TJP1: variants seen among roughly 807,000 people sequenced by gnomAD.
TJP1 encodes tight junction protein ZO-1.
TJP1 carries 43 observed loss-of-function variants against 194.2 expected under a neutral mutation model. The observed-to-expected ratio is 0.22, with a 90% CI of 0.17 to 0.29. The LOEUF is 0.29. Among genes scored for constraint, TJP1 ranks in the 10% least tolerant of loss-of-function variants. The pLI is 1.00. For synonymous variants in TJP1, 801 were observed against 779.0 expected, an observed-to-expected ratio of 1.03 and a Z score of -0.47; for missense variants, 1,971 against 2,185.7, an observed-to-expected ratio of 0.90 and a Z score of 1.96.
chr15:29,796,347 A>C (rs2048403738), intron 2 of TJP1, among the ~76,000 whole-genome samples: 1 of 151,662 alleles, frequency 6.6e-6, no homozygotes, highest in Non-Finnish European at 1.5e-5. Flanking sequence ...CTATAAAAAA[A>C]AAAACAAAAA....
At chr15:29,782,043 G>A (rs549854168) in intron 2 of TJP1, among the ~76,000 whole-genome samples, 1 of 152,298 alleles carries the variant, frequency 6.6e-6, no homozygotes, top group South Asian at 2.1e-4. Context: ...CCTGTTTGCA[G>A]ATGACATGAT....
At chr15:29,947,012 G>A (rs2055308953) in intron 2 of TJP1, among the ~76,000 whole-genome samples, 1 of 152,094 alleles carries the variant, frequency 6.6e-6, no homozygotes, top group East Asian at 1.9e-4. Flanking sequence ...TTAACCATTT[G>A]GCTGCATTTT....
intron 2 of TJP1, among the ~76,000 whole-genome samples, chr15:29,865,259 G>A (rs774664658): frequency 7.2e-5 from 11 of 152,144 alleles, no homozygotes; most frequent in Admixed American, 2.0e-4. Context: ...CAAATGCCAC[G>A]AAGATATTAA....
At chr15:29,868,423 A>G (rs908439001) in intron 2 of TJP1, among the ~76,000 whole-genome samples, 2 of 152,132 alleles carry the variant, frequency 1.3e-5, no homozygotes, top group African/African-American at 4.8e-5. Context: ...GTGAGCTCTA[A>G]TACTGGTCCA....
chr15:29,733,091 T>C lies in TJP1; in HGVS notation c.1736+3A>G. Reference sequence around the variant, plus strand: ...TCTATGAGAAGTATCCAAGCATTCATACCTGTTCTTATTAGGGATGATGCC... The same window carrying C: ...TCTATGAGAAGTATCCAAGCATTCACACCTGTTCTTATTAGGGATGATGCC... On this transcript the variant is annotated splice_donor_region_variant and intron_variant, in intron 13 of 27. Coordinates refer to ENST00000614355, the MANE Select transcript of TJP1 (RefSeq NM_001330239.4). The C allele has an allele frequency of 1.2e-6, 2 of 1,612,908 alleles. No individual in the cohort carries two copies. The highest frequency in any genetic ancestry group is 1.7e-6 in the Non-Finnish European group (2 of 1,178,978).
intron 2 of TJP1, among the ~76,000 whole-genome samples, chr15:29,879,266 C>G (rs1567160411): frequency 6.6e-6 from 1 of 152,218 alleles, no homozygotes; most frequent in Non-Finnish European, 1.5e-5. Flanking sequence ...GGAAGAACAT[C>G]TAGGTAGGAA....
chr15:29,743,417 T>G (rs1168492538), intron 8 of TJP1, among the ~76,000 whole-genome samples: 1 of 152,186 alleles, frequency 6.6e-6, no homozygotes, highest in South Asian at 2.1e-4. Context: ...GTAACATATA[T>G]AAGAATTTGG....
At chr15:29,813,153 G>A (rs1475544911) in intron 1 of TJP1, among the ~76,000 whole-genome samples, 1 of 152,096 alleles carries the variant, frequency 6.6e-6, no homozygotes, top group Non-Finnish European at 1.5e-5. Flanking sequence ...AGTCAGGTAA[G>A]TGGATATCTT....
At chr15:29,705,128 T>C (rs2041812404) in intron 26 of TJP1, among the ~76,000 whole-genome samples, 1 of 152,206 alleles carries the variant, frequency 6.6e-6, no homozygotes, top group South Asian at 2.1e-4. Flanking sequence ...AGACAGTACC[T>C]GTCAAGAGGT....
rs1007349570 is a variant in TJP1 at position 29,718,430 on chromosome 15, G to A, written c.3712C>T (p.Pro1238Ser). The A allele has an allele frequency of 5.6e-6, 9 of 1,614,186 alleles. No individual in the cohort carries two copies. The Middle Eastern group carries it at 4.9e-4, about 89-fold the overall frequency. Residue 1238 changes from proline to serine, a missense_variant, in exon 21 of 28, where the codon CCT becomes TCT. This residue lies in a region of TJP1 where 1,108 missense variants were observed against 1,128.5 expected (regional missense o/e 0.98). Coordinates refer to ENST00000614355, the MANE Select transcript of TJP1 (RefSeq NM_001330239.4). ...PSSQHKPEAL[P>S]SNTKPLPPPP... ...GGAGGCAGTGGTTTGGTGTTTGAAG[G>A]CAGAGCTTCTGGCTTATGCTGAGAT...
intron 2 of TJP1, among the ~76,000 whole-genome samples, chr15:29,906,343 C>T (rs1468718753): frequency 6.6e-6 from 1 of 151,752 alleles, no homozygotes; most frequent in Non-Finnish European, 1.5e-5. Context: ...TGTCATGATG[C>T]ACGCCTGTAA....
intron 2 of TJP1, among the ~76,000 whole-genome samples, chr15:29,906,154 T>C (rs2053801948): frequency 6.6e-6 from 1 of 152,102 alleles, no homozygotes; most frequent in Non-Finnish European, 1.5e-5. Context: ...CACTCAAGTT[T>C]GCTGTGAACC....
In TJP1 at chr15:29,726,808, G is replaced by A. The variant is rs1045909375; in HGVS notation, c.2284C>T (p.Arg762Cys). Residue 762 changes from arginine to cysteine, a missense_variant, in exon 17 of 28, where the codon CGT (arginine) becomes TGT (cysteine). Arg to Cys is a radical substitution (Grantham distance 180). This residue lies in a region of TJP1 where 402 missense variants were observed against 484.2 expected (regional missense o/e 0.83). Coordinates refer to ENST00000614355, the MANE Select transcript of TJP1 (RefSeq NM_001330239.4). ...GTAAAAAGATGGTGATTATTTTTAC[G>A]AAGTTTATGAGATCGCTCGTATAAC... The part of the protein sequence containing the change: ...RKLYERSHKL[R>C]KNNHHLFTTT... 6.2e-7 allele frequency: 1 copy of A among 1,613,838 alleles called. No homozygotes were observed. Among genetic ancestry groups the A allele is most frequent in the Non-Finnish European group, 8.5e-7 (1 of 1,179,980 alleles).
intron 2 of TJP1, among the ~76,000 whole-genome samples, chr15:29,904,478 A>G (rs1365323059): frequency 6.6e-6 from 1 of 152,186 alleles, no homozygotes; most frequent in Admixed American, 6.5e-5. Context: ...TTTCACAAAA[A>G]TAAACTACAG....
intron 2 of TJP1, among the ~76,000 whole-genome samples, chr15:29,867,444 C>T (rs2052347308): frequency 6.6e-6 from 1 of 152,172 alleles, no homozygotes. Context: ...CACATTGGGC[C>T]TTGCTGGCTC....
chr15:29,864,355 C>A (rs2052224571), intron 2 of TJP1, among the ~76,000 whole-genome samples: 1 of 150,598 alleles, frequency 6.6e-6, no homozygotes, highest in African/African-American at 2.4e-5. Flanking sequence ...TACCCTAGTT[C>A]CAAGACAATA....
At chr15:29,952,296 T>C (rs772656854) in intron 2 of TJP1, among the ~76,000 whole-genome samples, 73 of 152,350 alleles carry the variant, frequency 4.8e-4, no homozygotes, top group African/African-American at 1.6e-3. Context: ...CAAGCATCTC[T>C]GGGACACTGC....
At position 29,719,851 on chromosome 15, in the gene TJP1, G is replaced by A; in HGVS notation, c.2929C>T (p.Pro977Ser). ...YSPQADSLRT[P>S]STEAAHIMLR... ...ATTATGTGAGCTGCCTCAGTACTTGGTGTTCTTAAAGAATCAGCTTGTGGT... is the reference window on the plus strand; with the variant it reads ...ATTATGTGAGCTGCCTCAGTACTTGATGTTCTTAAAGAATCAGCTTGTGGT... Residue 977 changes from proline (P) to serine (S), a missense_variant, in exon 20 of 28, where the codon CCA becomes TCA. By Grantham distance (74) the Pro-to-Ser change is moderately conservative (BLOSUM62 -1). This residue lies in a region of TJP1 where 1,108 missense variants were observed against 1,128.5 expected (regional missense o/e 0.98). Transcript: ENST00000614355. The A allele has an allele frequency of 6.2e-7, 1 of 1,614,166 alleles. No homozygotes were observed.
chr15:29,802,166 A>G (rs2048833013), intron 1 of TJP1, among the ~76,000 whole-genome samples: 1 of 152,176 alleles, frequency 6.6e-6, no homozygotes, highest in African/African-American at 2.4e-5. Flanking sequence ...ATCAAAAGGT[A>G]AAGTAAAAAG....
Sources: allele counts gnomAD v4.1 joint callset (sites outside exome capture counted in the v4.1 genomes callset), GRCh38; gene constraint gnomAD v4.1.1; regional missense constraint gnomAD v4.1.1; transcripts MANE v1.5; gene names NCBI Gene and HGNC (gene_info 2026-07-23, HGNC 2026-07-21).